The following CCZ1B variants were observed in gnomAD, a reference collection of about 807,000 sequenced individuals.
CCZ1B encodes the protein vacuolar fusion protein CCZ1 homolog B.
A neutral mutation model predicts 58.8 loss-of-function variants in CCZ1B; 25 were observed. That is an observed-to-expected ratio of 0.43 (90% CI 0.31 to 0.59). The LOEUF is 0.59. Ranked by LOEUF, CCZ1B falls within the 20% of genes least tolerant of loss-of-function variation. The pLI is 0.12. For missense variants in CCZ1B, 180 were observed against 501.5 expected (o/e 0.36, Z 6.12); for synonymous variants, 66 against 173.2 (o/e 0.38, Z 4.86).
intron 3 of CCZ1B, 83 bp downstream of exon 3, chr7:6,824,372 G>T: frequency 2.1e-6 from 3 of 1,424,084 alleles, no homozygotes; most frequent in South Asian, 2.9e-5. Flanking sequence ...AACAGCCAGA[G>T]AACTTTCCTA....
intron 8 of CCZ1B, among the ~76,000 whole-genome samples, chr7:6,813,270 T>C (rs1055264105): frequency 6.7e-6 from 1 of 149,372 alleles, no homozygotes; most frequent in South Asian, 2.1e-4. Flanking sequence ...GATAGAGGCA[T>C]GTGTGACCAA....
chr7:6,804,944 A>C lies in CCZ1B; in HGVS notation c.1100T>G (p.Met367Arg). 1.4e-6 allele frequency: 2 copies of C among 1,412,598 alleles called. 1 individual carries two copies. Among genetic ancestry groups the C allele is most frequent in the Non-Finnish European group, 1.9e-6 (2 of 1,064,468 alleles). 87.5% of individuals were successfully genotyped at this position (1,412,598 alleles called of 1,614,324 possible). ...ICEQFNINKR[M>R]SGSEKEPQFK... ...CCGAAAGCAAAGTACAAACCCAGAC[A>C]TCCTCTTGTTGATGTTAAACTGTTC... Residue 367 changes from methionine to arginine, a missense_variant, in exon 12 of 15, where the codon ATG becomes AGG. Coordinates refer to ENST00000316731, the MANE Select transcript of CCZ1B (RefSeq NM_198097.5).
At chr7:6,813,959 A>G (rs1224323999) in intron 8 of CCZ1B, among the ~76,000 whole-genome samples, 1 of 148,500 alleles carries the variant, frequency 6.7e-6, no homozygotes, top group Non-Finnish European at 1.5e-5. Flanking sequence ...CAGCCTGGCC[A>G]ACATGGTGAA....
chr7:6,800,380 G>C (rs1782743618), intron 14 of CCZ1B, among the ~76,000 whole-genome samples: 1 of 136,726 alleles, frequency 7.3e-6, no homozygotes, highest in Non-Finnish European at 1.6e-5. Context: ...GACATTTTGG[G>C]CTGGGCAAGG....
intron 7 of CCZ1B, among the ~76,000 whole-genome samples, chr7:6,818,268 G>A (rs1321294353): frequency 1.3e-5 from 2 of 149,906 alleles, no homozygotes; most frequent in African/African-American, 2.5e-5. Flanking sequence ...ACGGGGCTAG[G>A]CCAGGTGCGG....
intron 9 of CCZ1B, among the ~76,000 whole-genome samples, chr7:6,812,677 C>T (rs568710935): frequency 6.6e-6 from 1 of 152,198 alleles, no homozygotes; most frequent in East Asian, 1.9e-4. Flanking sequence ...AATCCCAGCA[C>T]TTTGGGAGGC....
chr7:6,815,599 G>A (rs1275135239), intron 7 of CCZ1B, among the ~76,000 whole-genome samples: 5 of 149,094 alleles, frequency 3.4e-5, no homozygotes, highest in African/African-American at 1.0e-4. Flanking sequence ...GAGTAGCTGG[G>A]ACAACTGGTG....
intron 6 of CCZ1B, among the ~76,000 whole-genome samples, chr7:6,821,460 C>T (rs1445832668): frequency 3.9e-5 from 6 of 152,302 alleles, no homozygotes; most frequent in Admixed American, 6.5e-5. Context: ...ATTAAAATGA[C>T]AAAACAACAA....
intron 1 of CCZ1B, among the ~76,000 whole-genome samples, chr7:6,825,522 T>C (rs1260241217): frequency 7.6e-6 from 1 of 131,302 alleles, no homozygotes; most frequent in Non-Finnish European, 1.6e-5. Context: ...AGTGCTGGGA[T>C]TACAGGCGTG....
chr7:6,820,014 A>G, intron 6 of CCZ1B, 73 bp from the exon 7 acceptor site: 1 of 1,245,584 alleles, frequency 8.0e-7, no homozygotes, highest in African/African-American at 1.6e-5. Flanking sequence ...AACTGAAAAT[A>G]ATCTTATGTC....
chr7:6,803,958 A>C (rs1216765772), intron 12 of CCZ1B, among the ~76,000 whole-genome samples: 16 of 145,766 alleles, frequency 1.1e-4, no homozygotes, highest in Admixed American at 3.5e-4. Flanking sequence ...AAAAAAAAAA[A>C]AAAACCCAAA....
At chr7:6,820,357 T>C (rs1192193204) in intron 6 of CCZ1B, among the ~76,000 whole-genome samples, 1 of 149,138 alleles carries the variant, frequency 6.7e-6, no homozygotes, top group Non-Finnish European at 1.5e-5. Flanking sequence ...TTTTTCCATT[T>C]TTAGTAGAGA....
intron 14 of CCZ1B, among the ~76,000 whole-genome samples, chr7:6,800,625 C>T (rs1202103104): frequency 7.3e-6 from 1 of 137,720 alleles, no homozygotes; most frequent in Non-Finnish European, 1.5e-5. Flanking sequence ...GCTATGATTG[C>T]ACCACTGCAC....
chr7:6,802,065 G>A (rs1782776828), intron 12 of CCZ1B, among the ~76,000 whole-genome samples: 1 of 99,252 alleles, frequency 1.0e-5, no homozygotes. Flanking sequence ...TGCTTGAGGA[G>A]AGTAACACCT....
At chr7:6,812,340 T>C in intron 9 of CCZ1B, 1 of 394,226 alleles carries the variant, frequency 2.5e-6, no homozygotes, top group Non-Finnish European at 4.8e-6. Context: ...ACTACAAAAA[T>C]TAGCTGGTTC....
Position 6,823,515 on chromosome 7 carries a change from C to T in CCZ1B, c.391-155G>A, listed in dbSNP as rs564869904. 3.6e-3 allele frequency among the ~76,000 whole-genome samples: 377 copies of T among 104,772 alleles called. 14 individuals carry two copies. Among genetic ancestry groups the T allele is most frequent in the African/African-American group, 0.012 (303 of 24,442 alleles). The allele number at this position is 104,772 out of a possible 152,430, so 68.7% of individuals were successfully genotyped here. On this transcript the variant is annotated intron_variant, in intron 4 of 14. Transcript: ENST00000316731. ...CGTGCTGAAAAAAAGTGTTTGCGTT[C>T]TTTTTTTTTTTTTTTTTTTTTGAGA...
chr7:6,815,789 C>G (rs1782990772), intron 7 of CCZ1B, among the ~76,000 whole-genome samples: 2 of 148,722 alleles, frequency 1.3e-5, no homozygotes, highest in African/African-American at 5.1e-5. Flanking sequence ...GGATTGGACT[C>G]GCTGGTTGAA....
intron 7 of CCZ1B, among the ~76,000 whole-genome samples, chr7:6,817,879 C>T (rs1783031938): frequency 6.7e-6 from 1 of 148,738 alleles, no homozygotes; most frequent in Non-Finnish European, 1.5e-5. Flanking sequence ...TGGTACTCAC[C>T]TGTAATCCCA....
chr7:6,823,575 G>A (rs991094291), intron 4 of CCZ1B, among the ~76,000 whole-genome samples: 1 of 136,272 alleles, frequency 7.3e-6, no homozygotes, highest in Non-Finnish European at 1.5e-5. Context: ...CTGGAGCGCA[G>A]TGGTACAATC....
Sources: allele counts gnomAD v4.1 joint callset (sites outside exome capture counted in the v4.1 genomes callset), GRCh38; gene constraint gnomAD v4.1.1; transcripts MANE v1.5; gene names NCBI Gene and HGNC (gene_info 2026-07-23, HGNC 2026-07-21).